The following PCDHA4 variants were observed in gnomAD, a reference collection of about 807,000 sequenced individuals.
PCDHA4 encodes the protein protocadherin alpha-4.
In PCDHA4, 49 loss-of-function variants were observed where a neutral mutation model predicts 61.4. The ratio of observed to expected loss-of-function variants is 0.80; its 90% confidence interval spans 0.63 to 1.01. PCDHA4 has a LOEUF of 1.01. Ranked by LOEUF, PCDHA4 falls within the 50% of genes least tolerant of loss-of-function variation. The probability of loss-of-function intolerance (pLI) is 0.00; values close to 1 mark genes in which losing one functional copy is unlikely to be tolerated. For missense variants in PCDHA4, 1,254 were observed against 1,235.8 expected (o/e 1.01, Z -0.22); for synonymous variants, 590 against 550.3 (o/e 1.07, Z -1.01).
intron 1 of PCDHA4, among the ~76,000 whole-genome samples, chr5:140,960,335 G>T (rs1362472967): frequency 1.3e-5 from 2 of 152,148 alleles, no homozygotes; most frequent in African/African-American, 4.8e-5. Context: ...AGAAGTACAT[G>T]AGGTGAGATA....
At chr5:140,828,115 A>G (rs2150151163) in intron 1 of PCDHA4, 1 of 1,612,394 alleles carries the variant, frequency 6.2e-7, no homozygotes, top group Non-Finnish European at 8.5e-7. Flanking sequence ...CGGAGGATAG[A>G]TTGGGAAAGC....
At chr5:140,991,481 A>G (rs1272675537) in intron 3 of PCDHA4, among the ~76,000 whole-genome samples, 3 of 152,226 alleles carry the variant, frequency 2.0e-5, no homozygotes, top group Non-Finnish European at 2.9e-5. Flanking sequence ...TCTGGAAGTC[A>G]GAAGTCCACA....
intron 1 of PCDHA4, among the ~76,000 whole-genome samples, chr5:140,913,414 CA>C: frequency 6.6e-6 from 1 of 152,102 alleles, no homozygotes; most frequent in African/African-American, 2.4e-5. Context: ...TGAATTCCTG[CA>C]GTATCAGTTG....
chr5:140,851,004 AT>A (rs17844337), intron 1 of PCDHA4: 9 of 1,435,010 alleles, frequency 6.3e-6, no homozygotes, highest in Admixed American at 2.7e-5. Context: ...AATCCAGCAG[AT>A]TTTTTTTCTG....
intron 1 of PCDHA4, chr5:140,967,642 C>T (rs1554229731): frequency 1.2e-6 from 2 of 1,614,164 alleles, no homozygotes. Flanking sequence ...ATGGTGAGCT[C>T]AGGTACTCCT....
At chr5:140,856,151 T>C (rs2043811735) in intron 1 of PCDHA4, 2 of 1,598,312 alleles carry the variant, frequency 1.3e-6, no homozygotes, top group Middle Eastern at 1.7e-4. Context: ...CTACTCAGTC[T>C]ACGAGGAGGC....
At chr5:140,845,671 T>C (rs1293125751) in intron 1 of PCDHA4, among the ~76,000 whole-genome samples, 5 of 149,692 alleles carry the variant, frequency 3.3e-5, no homozygotes, top group Non-Finnish European at 4.5e-5. Flanking sequence ...GTGTAGCCAT[T>C]GGTAAAGGAT....
chr5:140,869,238 G>A (rs1430399840), intron 1 of PCDHA4: 1 of 1,613,534 alleles, frequency 6.2e-7, no homozygotes, highest in African/African-American at 1.3e-5. Flanking sequence ...GCACCTTCGT[G>A]GGCCGCATCG....
At position 140,809,084 on chromosome 5, in the gene PCDHA4, A is replaced by G. The variant is rs1250955428; in HGVS notation, c.1897A>G (p.Thr633Ala). 4 of 1,613,806 alleles carry G rather than the reference A, an allele frequency of 2.5e-6. No individual in the cohort carries two copies. Among genetic ancestry groups the G allele is most frequent in the African/African-American group, 1.3e-5 (1 of 74,928 alleles). The change falls in exon 1 of 4, where the codon ACA (threonine) becomes GCA (alanine). Residue 633 changes from threonine (T) to alanine (A), a missense_variant. By Grantham distance (58) the Thr-to-Ala change is moderately conservative. Transcript: ENST00000530339. ...RVGLYTGEIS[T>A]TRALDETDAP... The stretch of plus-strand genomic sequence containing the variant: ...GGGGCTGTACACTGGCGAGATCAGC[A>G]CAACGCGTGCCCTGGACGAAACGGA...
chr5:140,929,436 C>T, intron 1 of PCDHA4: 1 of 1,470,330 alleles, frequency 6.8e-7, no homozygotes, highest in Non-Finnish European at 9.1e-7. Context: ...TTGAACTAAA[C>T]ACTCCTTCTT....
intron 2 of PCDHA4, 164 bp downstream of exon 2, chr5:140,979,171 C>T (rs1586797637): frequency 4.2e-6 from 4 of 960,866 alleles, no homozygotes; most frequent in South Asian, 4.8e-5. Context: ...CTTGAAAGAT[C>T]GCAAATGGTC....
intron 1 of PCDHA4, among the ~76,000 whole-genome samples, chr5:140,833,397 T>C (rs1420614000): frequency 6.6e-6 from 1 of 152,172 alleles, no homozygotes; most frequent in East Asian, 1.9e-4. Flanking sequence ...ACCTCAAGAC[T>C]TGATCAAAGG....
At chr5:140,882,300 C>T in intron 1 of PCDHA4, 2 of 1,613,722 alleles carry the variant, frequency 1.2e-6, no homozygotes, top group Non-Finnish European at 1.7e-6. Context: ...GGCCCAAGAC[C>T]GCGGCAACTA....
At chr5:140,839,248 A>G (rs1776116247) in intron 1 of PCDHA4, among the ~76,000 whole-genome samples, 1 of 151,994 alleles carries the variant, frequency 6.6e-6, no homozygotes, top group Non-Finnish European at 1.5e-5. Flanking sequence ...CTTTGCTTTT[A>G]TGCTTACATG....
Position 140,835,579 on chromosome 5 carries a change from C to T in PCDHA4, c.2385+26007C>T, listed in dbSNP as rs2150238736. ...CCCCGCGTTCCCTTCAAGTTGGTGT[C>T]CACCTTCAAGAATTACTATTCATTG... On this transcript the variant is annotated intron_variant, in intron 1 of 3. Transcript: ENST00000530339. 5 of 1,613,798 alleles carry T rather than the reference C, an allele frequency of 3.1e-6. No individual in the cohort carries two copies. The African/African-American group carries it at 5.3e-5, about 17-fold the overall frequency.
At chr5:140,850,020 T>C (rs2150463702) in intron 1 of PCDHA4, 2 of 1,596,646 alleles carry the variant, frequency 1.3e-6, no homozygotes, top group African/African-American at 1.3e-5. Flanking sequence ...GAGCTACGTG[T>C]CAGTGCACGC....
intron 1 of PCDHA4, among the ~76,000 whole-genome samples, chr5:140,906,368 T>C (rs1554192499): frequency 1.3e-5 from 2 of 152,198 alleles, no homozygotes. Flanking sequence ...CCAACCCAAA[T>C]GCTATTACAT....
chr5:140,858,334 GC>G, intron 1 of PCDHA4: 1 of 1,595,814 alleles, frequency 6.3e-7, no homozygotes, highest in Admixed American at 1.7e-5. Flanking sequence ...GGGAGGGCCT[GC>G]CCAAGGCGGA....
At chr5:141,005,352 GGAATGTCATA>G (rs1261780276) in intron 3 of PCDHA4, among the ~76,000 whole-genome samples, 2 of 152,178 alleles carry the variant, frequency 1.3e-5, no homozygotes, top group Non-Finnish European at 2.9e-5. Flanking sequence ...TGCTTGGCTA[GGAATGTCATA>G]GAATGCCTTT....
Sources: allele counts gnomAD v4.1 joint callset (sites outside exome capture counted in the v4.1 genomes callset), GRCh38; gene constraint gnomAD v4.1.1; transcripts MANE v1.5; gene names NCBI Gene and HGNC (gene_info 2026-07-23, HGNC 2026-07-21).